Variants in MORC1 observed in about 807,000 individuals in gnomAD.
MORC1 encodes the protein MORC family CW-type zinc finger protein 1.
A neutral mutation model predicts 134.9 loss-of-function variants in MORC1; 59 were observed. The observed-to-expected ratio is 0.44, with a 90% CI of 0.35 to 0.54. The LOEUF (loss-of-function observed/expected upper bound fraction) is 0.54, where lower values mean the gene tolerates loss of function less well. Ranked by LOEUF, MORC1 falls within the 20% of genes least tolerant of loss-of-function variation. The pLI, the probability that MORC1 is intolerant of heterozygous loss-of-function variation, is 0.00. For missense variants in MORC1, 947 were observed against 1,134.5 expected (o/e 0.83, Z 2.37); for synonymous variants, 395 against 391.7 (o/e 1.01, Z -0.10).
chr3:108,996,446 AG>A (rs1214553620), intron 21 of MORC1, among the ~76,000 whole-genome samples: 1 of 152,214 alleles, frequency 6.6e-6, no homozygotes, highest in African/African-American at 2.4e-5. Flanking sequence ...TGAAATGCAG[AG>A]TCCCATACCA....
chr3:109,049,425 G>A (rs1018363735), intron 14 of MORC1, among the ~76,000 whole-genome samples: 6 of 152,178 alleles, frequency 3.9e-5, no homozygotes, highest in African/African-American at 1.4e-4. Flanking sequence ...TAGAAGGCCA[G>A]GGTCTGATTT....
chr3:109,066,891 A>C (rs2107698953), intron 9 of MORC1, among the ~76,000 whole-genome samples: 1 of 152,368 alleles, frequency 6.6e-6, no homozygotes, highest in South Asian at 2.1e-4. Flanking sequence ...AGATTTGGCT[A>C]ATCCACATTT....
intron 8 of MORC1, among the ~76,000 whole-genome samples, chr3:109,076,709 C>T (rs1950429823): frequency 6.6e-6 from 1 of 152,100 alleles, no homozygotes; most frequent in African/African-American, 2.4e-5. Flanking sequence ...CCATCATCCT[C>T]AGCAAACTAA....
At chr3:109,058,280 A>C (rs1950006819) in intron 12 of MORC1, among the ~76,000 whole-genome samples, 1 of 152,180 alleles carries the variant, frequency 6.6e-6, no homozygotes, top group South Asian at 2.1e-4. Flanking sequence ...CATTTGAAAA[A>C]TGGGAGTAAT....
Position 108,967,913 on chromosome 3 carries a change from C to T in MORC1, c.2604+1756G>A, listed in dbSNP as rs569966112. On this transcript the variant is annotated intron_variant, in intron 26 of 27. Transcript: ENST00000232603. ...AAAACAACTTTGGAGCGGGAAAAAT[C>T]AGGCTCCAGTTCTGAATCTGATCAT... is the stretch of plus-strand genomic sequence containing the variant. 7.9e-5 allele frequency among the ~76,000 whole-genome samples: 12 copies of T among 152,302 alleles called. No individual in the cohort carries two copies. The South Asian group carries it at 2.5e-3, about 32-fold the overall frequency.
At chr3:109,070,416 C>T (rs915544887) in intron 8 of MORC1, among the ~76,000 whole-genome samples, 2 of 152,170 alleles carry the variant, frequency 1.3e-5, no homozygotes, top group African/African-American at 2.4e-5. Flanking sequence ...TGTAAAGCTG[C>T]ATTTTGGGAA....
intron 26 of MORC1, among the ~76,000 whole-genome samples, chr3:108,966,309 T>C (rs990875555): frequency 2.0e-5 from 3 of 152,216 alleles, no homozygotes; most frequent in African/African-American, 7.2e-5. Flanking sequence ...GTAGGAGCTC[T>C]AGCAGTTTTG....
chr3:108,979,231 G>A (rs1447580331), intron 24 of MORC1, among the ~76,000 whole-genome samples: 1 of 152,066 alleles, frequency 6.6e-6, no homozygotes, highest in Non-Finnish European at 1.5e-5. Context: ...GCCTTTGTTG[G>A]GGAAAAAAGA....
chr3:108,984,802 A>G lies in MORC1; in HGVS notation c.2258-20T>C, dbSNP rs1344052516. 1 of 1,592,866 alleles carries G rather than the reference A, an allele frequency of 6.3e-7. No individual in the cohort carries two copies. Among genetic ancestry groups the G allele is most frequent in the Non-Finnish European group, 8.5e-7 (1 of 1,169,666 alleles). ...GTTTTTCTTCAAAAGAACATAGACA[A>G]ACAATCGCATTTGGATGATCACACA... On this transcript the variant is annotated intron_variant, in intron 22 of 27. Coordinates refer to ENST00000232603, the MANE Select transcript of MORC1 (RefSeq NM_014429.4).
At chr3:108,972,432 T>C (rs919576649) in intron 24 of MORC1, among the ~76,000 whole-genome samples, 1 of 152,228 alleles carries the variant, frequency 6.6e-6, no homozygotes, top group African/African-American at 2.4e-5. Flanking sequence ...ACTTTAAGTA[T>C]ATTATTTGTA....
At chr3:109,106,665 T>C (rs1951045157) in intron 3 of MORC1, among the ~76,000 whole-genome samples, 1 of 152,156 alleles carries the variant, frequency 6.6e-6, no homozygotes, top group Admixed American at 6.5e-5. Context: ...CTCCATCTCC[T>C]CACCCCTCAC....
At chr3:108,984,679 C>A in intron 23 of MORC1, 37 bp downstream of exon 23, 1 of 1,388,106 alleles carries the variant, frequency 7.2e-7, no homozygotes, top group Non-Finnish European at 1.0e-6. Flanking sequence ...AGGATAATTG[C>A]ACTCACTTGG....
intron 9 of MORC1, among the ~76,000 whole-genome samples, chr3:109,067,615 C>T (rs769836442): frequency 5.3e-5 from 8 of 152,058 alleles, no homozygotes; most frequent in Non-Finnish European, 1.0e-4. Flanking sequence ...GTGAAAAGAT[C>T]GGCTATATTG....
intron 17 of MORC1, among the ~76,000 whole-genome samples, chr3:109,019,585 G>A (rs879464606): frequency 6.6e-6 from 1 of 152,196 alleles, no homozygotes; most frequent in Non-Finnish European, 1.5e-5. Flanking sequence ...TGAGGGGTCT[G>A]GAACCAGTCT....
chr3:109,032,261 A>C (rs1949258078), intron 16 of MORC1, among the ~76,000 whole-genome samples: 1 of 152,216 alleles, frequency 6.6e-6, no homozygotes, highest in Non-Finnish European at 1.5e-5. Flanking sequence ...TTCAATATTT[A>C]ATCAGTCTTT....
At chr3:109,014,329 C>T (rs11920955) in intron 17 of MORC1, among the ~76,000 whole-genome samples, 63,453 of 151,908 alleles carry the variant, frequency 0.42, 13,882 homozygotes, top group Middle Eastern at 0.55. Context: ...GTACCTCATA[C>T]AAGATTTTGA....
intron 8 of MORC1, among the ~76,000 whole-genome samples, chr3:109,092,004 GT>G (rs1950739195): frequency 6.6e-6 from 1 of 152,212 alleles, no homozygotes. Context: ...TAATGCCAGT[GT>G]AGAAATGCCA....
At chr3:108,980,462 T>C (rs1947684946) in intron 23 of MORC1, among the ~76,000 whole-genome samples, 1 of 152,150 alleles carries the variant, frequency 6.6e-6, no homozygotes, top group South Asian at 2.1e-4. Context: ...ACACACCTGC[T>C]CACCTCCTCC....
At chr3:108,999,001 A>C (rs1299221703) in intron 21 of MORC1, among the ~76,000 whole-genome samples, 1 of 152,226 alleles carries the variant, frequency 6.6e-6, no homozygotes, top group African/African-American at 2.4e-5. Context: ...AAAAACTCAC[A>C]CAGACTTTGA....
Sources: allele counts gnomAD v4.1 joint callset (sites outside exome capture counted in the v4.1 genomes callset), GRCh38; gene constraint gnomAD v4.1.1; transcripts MANE v1.5; gene names NCBI Gene and HGNC (gene_info 2026-07-23, HGNC 2026-07-21).